The following BRD4 variants were observed in gnomAD, a reference collection of about 807,000 sequenced individuals.
BRD4 encodes the protein bromodomain-containing protein 4.
In BRD4, 16 loss-of-function variants were observed where a neutral mutation model predicts 142.1. The observed-to-expected ratio is 0.11, with a 90% CI of 0.08 to 0.17. BRD4 has a LOEUF of 0.17. Among genes scored for constraint, BRD4 ranks in the 10% least tolerant of loss-of-function variants. The probability of loss-of-function intolerance (pLI) is 1.00; values close to 1 mark genes in which losing one functional copy is unlikely to be tolerated. For missense variants in BRD4, 1,424 were observed against 1,810.9 expected, an observed-to-expected ratio of 0.79 and a Z score of 3.88; for synonymous variants, 833 against 707.5, an observed-to-expected ratio of 1.18 and a Z score of -2.82.
intron 1 of BRD4, among the ~76,000 whole-genome samples, chr19:15,276,949 G>C (rs921445123): frequency 3.3e-5 from 5 of 152,214 alleles, no homozygotes; most frequent in African/African-American, 1.2e-4. Context: ...AGAAGGGACA[G>C]AGAATGAGAC....
At chr19:15,272,754 A>G in intron 2 of BRD4, 61 bp downstream of exon 2, 1 of 1,513,934 alleles carries the variant, frequency 6.6e-7, no homozygotes, top group Non-Finnish European at 9.0e-7. Context: ...TGCCCTGACC[A>G]GGAGACATGC....
intron 1 of BRD4, among the ~76,000 whole-genome samples, chr19:15,313,536 C>T (rs948737322): frequency 1.3e-5 from 2 of 151,570 alleles, no homozygotes; most frequent in East Asian, 1.9e-4. Flanking sequence ...ATTTGCCGGG[C>T]GTGGTGGTGG....
intron 1 of BRD4, among the ~76,000 whole-genome samples, chr19:15,290,613 C>G (rs1053270768): frequency 2.0e-5 from 3 of 152,154 alleles, no homozygotes; most frequent in African/African-American, 7.2e-5. Flanking sequence ...TTTCAACATA[C>G]AGAACACCAA....
chr19:15,244,383 G>C lies in BRD4; in HGVS notation c.2429C>G (p.Pro810Arg). The change falls in exon 13 of 20, where the codon CCC becomes CGC. Residue 810 changes from proline to arginine, a missense_variant. Pro to Arg is a moderately radical substitution (Grantham distance 103). This residue lies in a region of BRD4 where 598 missense variants were observed against 647.8 expected (regional missense o/e 0.92). Transcript: ENST00000679869. ...GTCAAAGACGCTGCCTGGGAGCTGG[G>C]GCTCCAGGACGGGCACCTGGGTGGC... is the stretch of plus-strand genomic sequence containing the variant. Reference protein sequence around the residue: ...FIATQVPVLEPQLPGSVFDPI... With the variant: ...FIATQVPVLERQLPGSVFDPI... 1 of 1,605,310 alleles carries C rather than the reference G, an allele frequency of 6.2e-7. No individual in the cohort carries two copies. The highest frequency in any genetic ancestry group is 1.1e-5 in the South Asian group (1 of 89,844).
At chr19:15,243,749 G>GC in intron 13 of BRD4, among the ~76,000 whole-genome samples, 1 of 152,230 alleles carries the variant, frequency 6.6e-6, no homozygotes, top group East Asian at 1.9e-4. Context: ...GGCCCTTCAC[G>GC]CCTCAGTGCA....
At chr19:15,260,926 G>A (rs1298637484) in intron 7 of BRD4, among the ~76,000 whole-genome samples, 1 of 152,084 alleles carries the variant, frequency 6.6e-6, no homozygotes, top group East Asian at 1.9e-4. Context: ...GGAAGGGCTA[G>A]AACACATCAG....
intron 1 of BRD4, among the ~76,000 whole-genome samples, chr19:15,306,168 A>G (rs2047911963): frequency 6.6e-6 from 1 of 152,208 alleles, no homozygotes; most frequent in Non-Finnish European, 1.5e-5. Flanking sequence ...TCAGGCATTC[A>G]CTGGAGTCAC....
chr19:15,327,660 T>C (rs1384854709), intron 1 of BRD4, among the ~76,000 whole-genome samples: 1 of 152,092 alleles, frequency 6.6e-6, no homozygotes, highest in Non-Finnish European at 1.5e-5. Flanking sequence ...GTAAACAAAA[T>C]GTAGCATAGC....
chr19:15,237,989 T>A lies in BRD4; in HGVS notation c.*388A>T, dbSNP rs1180360800. 4.1e-6 allele frequency: 1 copy of A among 244,432 alleles called. No homozygotes were observed. The highest frequency in any genetic ancestry group is 8.0e-6 in the Non-Finnish European group (1 of 125,738). The allele number at this position is 244,432 out of a possible 1,614,324, so 15.1% of individuals were successfully genotyped here. ...CCCGGCGGGCAGGACATCACGAACG[T>A]CACGTTCTTGGGGACAGAAAACCAG... On this transcript the variant is annotated 3_prime_UTR_variant, in exon 20 of 20. Transcript: ENST00000679869.
chr19:15,265,959 G>A (rs931988600), intron 4 of BRD4, among the ~76,000 whole-genome samples: 1 of 152,156 alleles, frequency 6.6e-6, no homozygotes, highest in Non-Finnish European at 1.5e-5. Context: ...GACAGAGAGC[G>A]GGAAAACACT....
chr19:15,275,680 G>C (rs945546535), intron 1 of BRD4: 7 of 152,160 alleles, frequency 4.6e-5, no homozygotes, highest in Non-Finnish European at 4.4e-5. Context: ...GTACCCCAAA[G>C]TTTCTTTAAG....
intron 14 of BRD4, among the ~76,000 whole-genome samples, chr19:15,240,447 A>G (rs1023579913): frequency 6.6e-6 from 1 of 152,160 alleles, no homozygotes; most frequent in Non-Finnish European, 1.5e-5. Context: ...GTTCCTGCCA[A>G]CTAGCCTGGC....
chr19:15,285,140 C>A (rs1468332489), intron 1 of BRD4, among the ~76,000 whole-genome samples: 1 of 152,198 alleles, frequency 6.6e-6, no homozygotes, highest in Non-Finnish European at 1.5e-5. Flanking sequence ...CATCACACAA[C>A]CTAAGTTCAC....
At chr19:15,280,288 G>T in intron 1 of BRD4, 1 of 1,009,740 alleles carries the variant, frequency 9.9e-7, no homozygotes, top group Non-Finnish European at 1.2e-6. Flanking sequence ...ACACCCACAA[G>T]GGGCAGAGGC....
In BRD4 at chr19:15,332,424, C is replaced by G. The variant is rs2048170481; in HGVS notation, c.-169G>C. Reference sequence around the variant, plus strand: ...CACAGGCCGCGCTCGCCCGCGGGCACCGCCGGCAGCCGCCGCAGCCGCTGC... The same window carrying G: ...CACAGGCCGCGCTCGCCCGCGGGCAGCGCCGGCAGCCGCCGCAGCCGCTGC... On this transcript the variant is annotated 5_prime_UTR_variant, in exon 1 of 20. Transcript: ENST00000679869. The G allele has an allele frequency of 6.8e-6, 1 of 146,938 alleles. No individual in the cohort carries two copies. Among genetic ancestry groups the G allele is most frequent in the South Asian group, 1.8e-4 (1 of 5,624 alleles). The allele number at this position is 146,938 out of a possible 1,614,324, so 9.1% of individuals were successfully genotyped here. A position where few individuals can be genotyped will look rare whatever the true frequency, so the allele number is the denominator to read the frequency against.
At chr19:15,256,667 A>G (rs1016758489) in intron 8 of BRD4, among the ~76,000 whole-genome samples, 2 of 152,160 alleles carry the variant, frequency 1.3e-5, no homozygotes, top group Admixed American at 1.3e-4. Flanking sequence ...AGGAGAGACG[A>G]ACATCCTGGC....
chr19:15,315,049 T>C (rs917414687), intron 1 of BRD4, among the ~76,000 whole-genome samples: 7 of 152,160 alleles, frequency 4.6e-5, no homozygotes, highest in African/African-American at 1.7e-4. Flanking sequence ...ATAATCATGC[T>C]GTAGTCATCT....
In BRD4 at chr19:15,253,481, C is replaced by T. The variant is rs200090521; in HGVS notation, c.2158+671G>A. The T allele has an allele frequency of 4.9e-6, 7 of 1,419,138 alleles. No homozygotes were observed. In the South Asian group the frequency reaches 7.5e-5, roughly 15 times the overall value. 87.9% of individuals were successfully genotyped at this position (1,419,138 alleles called of 1,614,324 possible). ...GGGTCCAACGTGCAGACCCACGGGG[C>T]TTGAAAAGAAGGGACTGTTAGTTAG... On this transcript the variant is annotated intron_variant, in intron 11 of 19. Coordinates refer to ENST00000679869, the MANE Select transcript of BRD4 (RefSeq NM_001379291.1).
chr19:15,257,512 G>A (rs1321856863), intron 7 of BRD4, among the ~76,000 whole-genome samples: 1 of 152,188 alleles, frequency 6.6e-6, no homozygotes, highest in Non-Finnish European at 1.5e-5. Context: ...ACTGGACCAA[G>A]GGCATCCTCA....
Sources: allele counts gnomAD v4.1 joint callset (sites outside exome capture counted in the v4.1 genomes callset), GRCh38; gene constraint gnomAD v4.1.1; regional missense constraint gnomAD v4.1.1; transcripts MANE v1.5; gene names NCBI Gene and HGNC (gene_info 2026-07-23, HGNC 2026-07-21).